TMEM38B: variants seen among roughly 807,000 people sequenced by gnomAD.
The protein encoded by TMEM38B is trimeric intracellular cation channel type B.
TMEM38B carries 24 observed loss-of-function variants against 28.7 expected under a neutral mutation model. That is an observed-to-expected ratio of 0.84 (90% CI 0.61 to 1.18). TMEM38B has a LOEUF of 1.18. Ranked by LOEUF, TMEM38B falls within the 50% of genes most tolerant of loss-of-function variation. TMEM38B has a pLI of 0.00. For missense variants in TMEM38B, 380 were observed against 350.9 expected, an observed-to-expected ratio of 1.08 and a Z score of -0.66; for synonymous variants, 131 against 127.7, an observed-to-expected ratio of 1.03 and a Z score of -0.17.
intron 2 of TMEM38B, among the ~76,000 whole-genome samples, chr9:105,709,233 T>G (rs1835801907): frequency 6.6e-6 from 1 of 152,150 alleles, no homozygotes; most frequent in Non-Finnish European, 1.5e-5. Flanking sequence ...CTAGTATGTG[T>G]TTGGTGAGGC....
intron 4 of TMEM38B, among the ~76,000 whole-genome samples, chr9:105,728,649 T>C (rs1196536870): frequency 1.3e-5 from 2 of 152,172 alleles, no homozygotes; most frequent in Admixed American, 6.5e-5. Context: ...TTCTAGATCC[T>C]TGAGGAATCA....
chr9:105,766,234 T>C (rs1474177064), intron 5 of TMEM38B, among the ~76,000 whole-genome samples: 1 of 152,252 alleles, frequency 6.6e-6, no homozygotes, highest in South Asian at 2.1e-4. Flanking sequence ...CCACTAGCAA[T>C]GTATGAGAGT....
Position 105,760,109 on chromosome 9 carries a change from C to T in TMEM38B, c.660+11919C>T, listed in dbSNP as rs1161579663. On this transcript the variant is annotated intron_variant, in intron 5 of 5. Transcript: ENST00000374692. ...CTGCAACCTCATTTAGAGAGGGTTG[C>T]CATCGATGCGCTACAATTGTGTCGT... 3 of 893,940 alleles carry T rather than the reference C, an allele frequency of 3.4e-6. No individual in the cohort carries two copies. The African/African-American group carries it at 4.9e-5, about 15-fold the overall frequency. The allele number at this position is 893,940 out of a possible 1,614,324, so 55.4% of individuals were successfully genotyped here.
intron 5 of TMEM38B, chr9:105,759,298 C>T (rs1279125963): frequency 7.4e-6 from 6 of 812,550 alleles, no homozygotes; most frequent in African/African-American, 1.7e-5. Flanking sequence ...CAAGATGATC[C>T]ACAGTCTTAA....
chr9:105,766,408 A>G (rs1257960412), intron 5 of TMEM38B, among the ~76,000 whole-genome samples: 1 of 152,160 alleles, frequency 6.6e-6, no homozygotes, highest in East Asian at 1.9e-4. Context: ...CTCACATGTG[A>G]TCTTTTGAAT....
At chr9:105,760,771 T>C (rs1838013444) in intron 5 of TMEM38B, 1 of 958,734 alleles carries the variant, frequency 1.0e-6, no homozygotes. Flanking sequence ...TTAAAAATTA[T>C]GTAATACTTG....
intron 4 of TMEM38B, among the ~76,000 whole-genome samples, chr9:105,745,231 C>T (rs1837344294): frequency 6.6e-6 from 1 of 152,332 alleles, no homozygotes; most frequent in South Asian, 2.1e-4. Flanking sequence ...TATTTCTCCA[C>T]ATCCTCTCCA....
In TMEM38B at chr9:105,759,983, C is replaced by G. The variant is rs1588467219; in HGVS notation, c.660+11793C>G. ...GCTATGCAAAGTGAACTCGGAGAGT[C>G]TAGTGCTGCAATCAATAAAAGACTC... On this transcript the variant is annotated intron_variant, in intron 5 of 5. Transcript: ENST00000374692. 1.6e-5 allele frequency: 25 copies of G among 1,525,912 alleles called. No homozygotes were observed. The East Asian group carries it at 5.2e-4, about 32-fold the overall frequency. 94.5% of individuals were successfully genotyped at this position (1,525,912 alleles called of 1,614,324 possible).
At chr9:105,721,405 A>G (rs1836311835) in intron 2 of TMEM38B, 132 bp from the exon 3 acceptor site, 3 of 706,452 alleles carry the variant, frequency 4.2e-6, no homozygotes, top group Non-Finnish European at 6.6e-6. Context: ...TTTTATTGAA[A>G]TCAAGTTAAA....
At position 105,776,321 on chromosome 9, in the gene TMEM38B, G is replaced by C. The variant is rs1245888380; in HGVS notation, c.*2241G>C. On this transcript the variant is annotated 3_prime_UTR_variant, in exon 6 of 6. Transcript: ENST00000374692. ...ATCAGATTAGTCACTCTTCCTTACT[G>C]AGGGAGTATCAAGTAAGGGCTGGAG... The C allele has an allele frequency of 6.6e-6, 1 of 152,170 alleles. No homozygotes were observed. Among genetic ancestry groups the C allele is most frequent in the Non-Finnish European group, 1.5e-5 (1 of 68,042 alleles). 9.4% of individuals were successfully genotyped at this position (152,170 alleles called of 1,614,324 possible).
intron 5 of TMEM38B, 99 bp downstream of exon 5, chr9:105,748,289 A>T (rs1218701601): frequency 5.0e-6 from 4 of 803,110 alleles, no homozygotes; most frequent in Non-Finnish European, 8.0e-6. Flanking sequence ...ACATTTATTT[A>T]TTATTATTAT....
At chr9:105,712,341 T>A (rs979660404) in intron 2 of TMEM38B, among the ~76,000 whole-genome samples, 3 of 152,270 alleles carry the variant, frequency 2.0e-5, no homozygotes, top group African/African-American at 7.2e-5. Flanking sequence ...AGTTTAGTCA[T>A]GCCTATTCAA....
chr9:105,747,775 T>C lies in TMEM38B; in HGVS notation c.543-298T>C, dbSNP rs1352478850. Among the ~76,000 whole-genome samples, 6 of 152,334 alleles carry C rather than the reference T, an allele frequency of 3.9e-5. No homozygotes were observed. In the East Asian group the frequency reaches 7.7e-4, roughly 20 times the overall value. ...GTGTCCCAGAGATTCTGGTATGTTGTGTCGTTGTTCTCGTTGGTTTCAAAG... is the reference window on the plus strand; with the variant it reads ...GTGTCCCAGAGATTCTGGTATGTTGCGTCGTTGTTCTCGTTGGTTTCAAAG... On this transcript the variant is annotated intron_variant, in intron 4 of 5. Transcript: ENST00000374692.
At chr9:105,740,159 A>G (rs775561180) in intron 4 of TMEM38B, among the ~76,000 whole-genome samples, 9 of 151,906 alleles carry the variant, frequency 5.9e-5, no homozygotes, top group Admixed American at 2.0e-4. Context: ...TTGGGCTTAC[A>G]GGTGTGAGCC....
Position 105,722,722 on chromosome 9 carries a change from A to G in TMEM38B, c.542+101A>G, listed in dbSNP as rs1424267053. The G allele has an allele frequency of 7.2e-6, 6 of 831,850 alleles. No individual in the cohort carries two copies. The African/African-American group carries it at 8.7e-5, about 12-fold the overall frequency. 51.5% of individuals were successfully genotyped at this position (831,850 alleles called of 1,614,324 possible). Reference sequence around the variant, plus strand: ...TAGGGACTTTAAATGTGGGTGGAATATAGCTGAAAATATAAATAGTAATGA... The same window carrying G: ...TAGGGACTTTAAATGTGGGTGGAATGTAGCTGAAAATATAAATAGTAATGA... On this transcript the variant is annotated intron_variant, in intron 4 of 5. Transcript: ENST00000374692.
At chr9:105,739,748 C>T (rs1837125581) in intron 4 of TMEM38B, among the ~76,000 whole-genome samples, 1 of 151,956 alleles carries the variant, frequency 6.6e-6, no homozygotes. Flanking sequence ...TGGTCTCGAA[C>T]TCCTGACCTC....
At chr9:105,742,657 TTTTCTATGAAATCCTTG>T (rs1837248327) in intron 4 of TMEM38B, among the ~76,000 whole-genome samples, 1 of 152,164 alleles carries the variant, frequency 6.6e-6, no homozygotes, top group African/African-American at 2.4e-5. Flanking sequence ...CCCCAGTGCA[TTTTCTATGAAATCCTTG>T]TTCCTTAGAC....
chr9:105,706,032 C>G (rs1835649966), intron 2 of TMEM38B, among the ~76,000 whole-genome samples: 1 of 151,702 alleles, frequency 6.6e-6, no homozygotes, highest in African/African-American at 2.4e-5. Flanking sequence ...TCTGGAGTAG[C>G]TGGAATTACA....
rs747827403 is a variant in TMEM38B, at chr9:105,707,236, T to G, written c.269+1483T>G. Among the ~76,000 whole-genome samples the G allele has an allele frequency of 7.2e-4, 109 of 152,304 alleles. 1 individual carries two copies. The highest frequency in any genetic ancestry group is 3.4e-3 in the Middle Eastern group (1 of 294). On this transcript the variant is annotated intron_variant, in intron 2 of 5. Transcript: ENST00000374692. ...AAACTAACCAAAAAGTCCAAATAAT[T>G]ATGGCTCATATTTAATTATTCTTCT...
Sources: allele counts gnomAD v4.1 joint callset (sites outside exome capture counted in the v4.1 genomes callset), GRCh38; gene constraint gnomAD v4.1.1; transcripts MANE v1.5; gene names NCBI Gene and HGNC (gene_info 2026-07-23, HGNC 2026-07-21).